FMO1: variants seen among roughly 807,000 people sequenced by gnomAD.
FMO1 encodes flavin-containing monooxygenase 1.
FMO1 carries 36 observed loss-of-function variants against 45.4 expected under a neutral mutation model. The observed-to-expected ratio is 0.79, with a 90% confidence interval of 0.61 to 1.05. FMO1 has a LOEUF of 1.05. Ranked by LOEUF, FMO1 falls within the 50% of genes least tolerant of loss-of-function variation. The pLI is 0.00. For synonymous variants in FMO1, 228 were observed against 227.2 expected, an observed-to-expected ratio of 1.00 and a Z score of -0.03; for missense variants, 615 against 640.3, an observed-to-expected ratio of 0.96 and a Z score of 0.43.
At chr1:171,260,912 C>CAAAAAAAAAAAA (rs71561566) in intron 2 of FMO1, among the ~76,000 whole-genome samples, 2 of 53,694 alleles carry the variant, frequency 3.7e-5, no homozygotes, top group African/African-American at 1.6e-4. Context: ...GGCTCCATCT[C>CAAAAAAAAAAAA]AAAAAAAAAA....
chr1:171,285,680 C>T lies in FMO1; in HGVS notation c.*136C>T, dbSNP rs184248671. 2.2e-5 allele frequency: 10 copies of T among 456,318 alleles called. 1 individual carries two copies. In the East Asian group the frequency reaches 2.8e-4, roughly 13 times the overall value. 28.3% of individuals were successfully genotyped at this position (456,318 alleles called of 1,614,324 possible). A position where few individuals can be genotyped will look rare whatever the true frequency, so the allele number is the denominator to read the frequency against. On this transcript the variant is annotated 3_prime_UTR_variant, in exon 9 of 9. Transcript: ENST00000617670. ...CCACCCTCTCGCTTCCCTGGCTGGC[C>T]CCAGGGCTACCACTGGTATTCCTGA...
chr1:171,257,961 A>T, intron 1 of FMO1, 121 bp from the exon 2 acceptor site: 3 of 1,118,606 alleles, frequency 2.7e-6, no homozygotes, highest in South Asian at 2.8e-5. Context: ...GAGACCCGCT[A>T]CAGAAGATTC....
At chr1:171,257,975 C>A in intron 1 of FMO1, 107 bp from the exon 2 acceptor site, 1 of 1,299,706 alleles carries the variant, frequency 7.7e-7, no homozygotes, top group Non-Finnish European at 1.1e-6. Flanking sequence ...AAGATTCAAA[C>A]TGAGCAAATC....
At chr1:171,280,719 A>G in intron 5 of FMO1, 67 bp from the exon 6 acceptor site, 1 of 1,375,480 alleles carries the variant, frequency 7.3e-7, no homozygotes, top group Admixed American at 1.7e-5. Context: ...CACTTCTTGA[A>G]TCTCTGGCAG....
At chr1:171,271,149 C>T in intron 3 of FMO1, 1 of 873,804 alleles carries the variant, frequency 1.1e-6, no homozygotes, top group Non-Finnish European at 1.9e-6. Context: ...GCTTTGCAGC[C>T]TTCTTTTCAC....
intron 2 of FMO1, among the ~76,000 whole-genome samples, chr1:171,266,129 C>A (rs1206598881): frequency 1.3e-5 from 2 of 152,088 alleles, no homozygotes; most frequent in African/African-American, 4.8e-5. Flanking sequence ...TCAAAATAAC[C>A]TTAAAACATC....
chr1:171,264,413 TGA>T (rs1432660247), intron 2 of FMO1, among the ~76,000 whole-genome samples: 1 of 150,712 alleles, frequency 6.6e-6, no homozygotes, highest in Non-Finnish European at 1.5e-5. Context: ...TTGGGTATAT[TGA>T]GTTAAATAAA....
At chr1:171,269,969 C>T (rs965295129) in intron 3 of FMO1, among the ~76,000 whole-genome samples, 1 of 152,136 alleles carries the variant, frequency 6.6e-6, no homozygotes, top group East Asian at 1.9e-4. Flanking sequence ...ACATCTATAG[C>T]CAGCATTTTC....
chr1:171,285,057 TTAGA>T (rs1226501292), intron 8 of FMO1, 141 bp from the exon 9 acceptor site: 3 of 551,638 alleles, frequency 5.4e-6, no homozygotes, highest in African/African-American at 3.9e-5. Context: ...AAGGAGACCG[TTAGA>T]TAGGTAGGGA....
chr1:171,267,573 T>C lies in FMO1; in HGVS notation c.163T>C (p.Tyr55His). 1 of 1,612,534 alleles carries C rather than the reference T, an allele frequency of 6.2e-7. No individual in the cohort carries two copies. ...EHVEEGRASL[Y>H]KSVVSNSCKE... ...TGTTGAAGAAGGCAGAGCCAGTCTC[T>C]ACAAGTCTGTGGTTTCCAACAGCTG... Residue 55 changes from tyrosine (Y) to histidine (H), a missense_variant, in exon 3 of 9, where the codon TAC becomes CAC. Tyr to His is a moderately conservative substitution (Grantham distance 83). Transcript: ENST00000617670.
chr1:171,276,896 G>C (rs1259324825), intron 4 of FMO1, among the ~76,000 whole-genome samples: 2 of 152,170 alleles, frequency 1.3e-5, no homozygotes. Flanking sequence ...CAGCAGCTAT[G>C]AATTCTAGCA....
intron 2 of FMO1, among the ~76,000 whole-genome samples, chr1:171,264,980 T>C (rs1292019346): frequency 6.6e-6 from 1 of 152,124 alleles, no homozygotes; most frequent in Non-Finnish European, 1.5e-5. Flanking sequence ...TTTGTTAGAC[T>C]ACCCAGGCAA....
chr1:171,252,806 G>A lies in FMO1; in HGVS notation c.-7+4183G>A, dbSNP rs189263966. ...CCTCTCACTGTGGCTAACAGGTGGG[G>A]GTGAGGGGACAGAAGAGGGAGGGCT... is the stretch of plus-strand genomic sequence containing the variant. On this transcript the variant is annotated intron_variant, in intron 1 of 8. Transcript: ENST00000617670. Among the ~76,000 whole-genome samples, 71 of 152,322 alleles carry A rather than the reference G, an allele frequency of 4.7e-4. 1 individual carries two copies. Among genetic ancestry groups the A allele is most frequent in the African/African-American group, 1.6e-3 (67 of 41,572 alleles).
intron 8 of FMO1, among the ~76,000 whole-genome samples, chr1:171,283,452 C>T (rs116209269): frequency 0.016 from 2,440 of 152,070 alleles, 31 homozygotes; most frequent in Admixed American, 0.026. Context: ...TCCCCAAAGT[C>T]ATCACTTCAG....
chr1:171,266,610 T>C (rs1401698465), intron 2 of FMO1, among the ~76,000 whole-genome samples: 1 of 152,250 alleles, frequency 6.6e-6, no homozygotes, highest in Non-Finnish European at 1.5e-5. Context: ...TACAGGAATC[T>C]ATATATGATA....
At chr1:171,259,964 G>C (rs1660309901) in intron 2 of FMO1, among the ~76,000 whole-genome samples, 1 of 152,204 alleles carries the variant, frequency 6.6e-6, no homozygotes, top group African/African-American at 2.4e-5. Context: ...GCATTTCATT[G>C]AGAGCAGGAT....
chr1:171,256,681 A>C (rs1660174789), intron 1 of FMO1, among the ~76,000 whole-genome samples: 1 of 152,156 alleles, frequency 6.6e-6, no homozygotes, highest in South Asian at 2.1e-4. Flanking sequence ...TGAGCATTTT[A>C]GTCTCTACAG....
chr1:171,265,597 A>C (rs1169102219), intron 2 of FMO1, among the ~76,000 whole-genome samples: 2 of 152,242 alleles, frequency 1.3e-5, no homozygotes, highest in Non-Finnish European at 2.9e-5. Flanking sequence ...AAGTGGGTAC[A>C]TAGGCAATTG....
chr1:171,252,473 A>G (rs1306654005), intron 1 of FMO1, among the ~76,000 whole-genome samples: 1 of 152,084 alleles, frequency 6.6e-6, no homozygotes, highest in Non-Finnish European at 1.5e-5. Context: ...CTCTTTCCCT[A>G]GGGCCAAAAT....
Sources: allele counts gnomAD v4.1 joint callset (sites outside exome capture counted in the v4.1 genomes callset), GRCh38; gene constraint gnomAD v4.1.1; transcripts MANE v1.5; gene names NCBI Gene and HGNC (gene_info 2026-07-23, HGNC 2026-07-21).